The following KIAA1549 variants were observed in gnomAD, a reference collection of about 807,000 sequenced individuals.
The protein encoded by KIAA1549 is UPF0606 protein KIAA1549.
In KIAA1549, 70 loss-of-function variants were observed where a neutral mutation model predicts 156.4. The observed-to-expected ratio is 0.45, with a 90% CI of 0.37 to 0.55. The LOEUF is 0.55. Ranked by LOEUF, KIAA1549 falls within the 20% of genes least tolerant of loss-of-function variation. KIAA1549 has a pLI of 0.00. For missense variants in KIAA1549, 2,428 were observed against 2,540.9 expected, an observed-to-expected ratio of 0.96 and a Z score of 0.96; for synonymous variants, 1,103 against 1,066.4, an observed-to-expected ratio of 1.03 and a Z score of -0.67.
At chr7:138,923,827 C>A (rs1812634030) in intron 1 of KIAA1549, among the ~76,000 whole-genome samples, 1 of 152,086 alleles carries the variant, frequency 6.6e-6, no homozygotes, top group Non-Finnish European at 1.5e-5. Flanking sequence ...ATTTTTGTTT[C>A]TACATACCAA....
chr7:138,941,374 G>A (rs2130523513), intron 1 of KIAA1549, among the ~76,000 whole-genome samples: 1 of 152,304 alleles, frequency 6.6e-6, no homozygotes, highest in Non-Finnish European at 1.5e-5. Flanking sequence ...AAGAAGGAGG[G>A]AAGGAGGAAA....
chr7:138,914,310 C>A (rs183102123), intron 2 of KIAA1549, among the ~76,000 whole-genome samples: 1 of 152,170 alleles, frequency 6.6e-6, no homozygotes, highest in Non-Finnish European at 1.5e-5. Context: ...GGATCATCAG[C>A]AAACAAATAT....
chr7:138,876,513 C>G (rs754488885), intron 12 of KIAA1549: 1 of 152,274 alleles, frequency 6.6e-6, no homozygotes, highest in South Asian at 2.1e-4. Context: ...TTGGTTTGCA[C>G]ATGAAATTCT....
At chr7:138,977,244 T>C (rs962601984) in intron 1 of KIAA1549, among the ~76,000 whole-genome samples, 3 of 152,212 alleles carry the variant, frequency 2.0e-5, no homozygotes, top group Admixed American at 6.5e-5. Context: ...GCTATCCTTC[T>C]AATACATAAA....
At chr7:138,973,640 A>C (rs1814286940) in intron 1 of KIAA1549, among the ~76,000 whole-genome samples, 1 of 152,098 alleles carries the variant, frequency 6.6e-6, no homozygotes, top group Non-Finnish European at 1.5e-5. Context: ...CATCAAGTAC[A>C]ACATTTAACA....
At chr7:138,902,574 G>T (rs1007037509) in intron 8 of KIAA1549, among the ~76,000 whole-genome samples, 1 of 152,136 alleles carries the variant, frequency 6.6e-6, no homozygotes, top group African/African-American at 2.4e-5. Flanking sequence ...TTTTAAATGG[G>T]TCGCATTTCA....
intron 16 of KIAA1549, 117 bp downstream of exon 16, chr7:138,861,022 A>G: frequency 1.1e-6 from 1 of 946,676 alleles, no homozygotes; most frequent in Non-Finnish European, 1.6e-6. Context: ...CCATCACCCG[A>G]GTTTTAATTC....
intron 1 of KIAA1549, among the ~76,000 whole-genome samples, chr7:138,976,313 G>C (rs1048821814): frequency 2.0e-5 from 3 of 152,100 alleles, no homozygotes; most frequent in African/African-American, 7.2e-5. Context: ...CTGACCTCAG[G>C]TGATCCCAAA....
At chr7:138,935,880 A>T (rs2130512935) in intron 1 of KIAA1549, among the ~76,000 whole-genome samples, 1 of 152,326 alleles carries the variant, frequency 6.6e-6, no homozygotes, top group East Asian at 1.9e-4. Flanking sequence ...GCAAGGACAA[A>T]GGCACCATGT....
chr7:138,884,009 G>T (rs1347731583), intron 10 of KIAA1549, among the ~76,000 whole-genome samples: 1 of 152,190 alleles, frequency 6.6e-6, no homozygotes, highest in African/African-American at 2.4e-5. Flanking sequence ...ATGATACAAG[G>T]GTCAGGGCAT....
intron 1 of KIAA1549, among the ~76,000 whole-genome samples, chr7:138,943,929 T>C (rs925574333): frequency 5.3e-5 from 8 of 151,848 alleles, no homozygotes; most frequent in Non-Finnish European, 8.8e-5. Flanking sequence ...TCTACTCTCT[T>C]AGCATTTTTT....
At chr7:138,891,566 C>T (rs181759521) in intron 10 of KIAA1549, among the ~76,000 whole-genome samples, 3 of 152,286 alleles carry the variant, frequency 2.0e-5, no homozygotes, top group Admixed American at 1.3e-4. Context: ...ATGGCCTCTC[C>T]CTCCTATCAT....
chr7:138,885,726 G>C (rs112490756), intron 10 of KIAA1549, among the ~76,000 whole-genome samples: 3,942 of 152,234 alleles, frequency 0.026, 163 homozygotes, highest in African/African-American at 0.09. Context: ...TGGTTTTTCT[G>C]TTAACATATC....
At chr7:138,954,727 T>C (rs2130545655) in intron 1 of KIAA1549, among the ~76,000 whole-genome samples, 1 of 152,288 alleles carries the variant, frequency 6.6e-6, no homozygotes, top group African/African-American at 2.4e-5. Flanking sequence ...GAGAGGTACC[T>C]GGCCCGTGCA....
intron 12 of KIAA1549, among the ~76,000 whole-genome samples, chr7:138,877,444 A>C (rs1167288718): frequency 3.3e-5 from 5 of 152,234 alleles, no homozygotes; most frequent in Admixed American, 3.3e-4. Flanking sequence ...CAGTGAGCCA[A>C]GATAGCACCA....
At chr7:138,882,961 C>T (rs977583482) in intron 10 of KIAA1549, among the ~76,000 whole-genome samples, 1 of 151,764 alleles carries the variant, frequency 6.6e-6, no homozygotes, top group Non-Finnish European at 1.5e-5. Context: ...ATCAAACATG[C>T]TATTTGTTGG....
chr7:138,870,891 C>T (rs535889214), intron 13 of KIAA1549, among the ~76,000 whole-genome samples: 19 of 152,294 alleles, frequency 1.2e-4, no homozygotes, highest in African/African-American at 4.6e-4. Context: ...GATCCCGGCT[C>T]AGTGCAAACT....
chr7:138,897,562 T>C (rs1811716975), intron 9 of KIAA1549, among the ~76,000 whole-genome samples: 2 of 152,142 alleles, frequency 1.3e-5, no homozygotes, highest in African/African-American at 4.8e-5. Flanking sequence ...GTTTCACCAT[T>C]CTCTTACCAA....
At chr7:138,867,554 CAA>C (rs925674502) in intron 15 of KIAA1549, among the ~76,000 whole-genome samples, 2 of 111,238 alleles carry the variant, frequency 1.8e-5, no homozygotes, top group Admixed American at 8.4e-5. Flanking sequence ...GACCCTGTCC[CAA>C]AAAAAAAAAA....
Sources: allele counts gnomAD v4.1 joint callset (sites outside exome capture counted in the v4.1 genomes callset), GRCh38; gene constraint gnomAD v4.1.1; transcripts MANE v1.5; gene names NCBI Gene and HGNC (gene_info 2026-07-23, HGNC 2026-07-21).